PEX1: variants seen among roughly 807,000 people sequenced by gnomAD.
PEX1 encodes peroxisomal ATPase PEX1.
PEX1 carries 97 observed loss-of-function variants against 152.5 expected under a neutral mutation model. The observed-to-expected ratio is 0.64, with a 90% CI of 0.54 to 0.75. The LOEUF (loss-of-function observed/expected upper bound fraction) is 0.75, where lower values mean the gene tolerates loss of function less well. Among genes scored for constraint, PEX1 ranks in the 30% least tolerant of loss-of-function variants. PEX1 has a pLI of 0.00. For missense variants in PEX1, 1,357 were observed against 1,516.3 expected (o/e 0.89, Z 1.74); for synonymous variants, 485 against 531.6 (o/e 0.91, Z 1.21).
chr7:92,499,604 G>T, intron 16 of PEX1, 100 bp downstream of exon 16: 1 of 978,272 alleles, frequency 1.0e-6, no homozygotes, highest in Non-Finnish European at 1.6e-6. Context: ...GCATAGCATT[G>T]TGAATGCACT....
chr7:92,499,122 G>A (rs1791798461), intron 16 of PEX1, among the ~76,000 whole-genome samples: 1 of 152,226 alleles, frequency 6.6e-6, no homozygotes, highest in South Asian at 2.1e-4. Flanking sequence ...CACACTGCTA[G>A]TGGGAATGGT....
Position 92,493,136 on chromosome 7 carries a change from G to A in PEX1, c.3031-7C>T. 6.6e-7 allele frequency: 1 copy of A among 1,516,648 alleles called. No homozygotes were observed. The highest frequency in any genetic ancestry group is 9.1e-7 in the Non-Finnish European group (1 of 1,103,374). 93.9% of individuals were successfully genotyped at this position (1,516,648 alleles called of 1,614,324 possible). A position where few individuals can be genotyped will look rare whatever the true frequency, so the allele number is the denominator to read the frequency against. On this transcript the variant is annotated splice_region_variant and splice_polypyrimidine_tract_variant and intron_variant, in intron 19 of 23. Transcript: ENST00000248633. The stretch of plus-strand genomic sequence containing the variant: ...AAATTTCAAGACGTGACACCTGAAA[G>A]GAGAAAAATTTATTTAACAAATAAA...
intron 2 of PEX1, among the ~76,000 whole-genome samples, chr7:92,519,595 T>C (rs1194485267): frequency 2.0e-5 from 3 of 152,210 alleles, no homozygotes; most frequent in African/African-American, 7.2e-5. Flanking sequence ...GACTATATCA[T>C]CAAGTTATGG....
At position 92,516,430 on chromosome 7, in the gene PEX1, G is replaced by GA. The variant is rs376649281; in HGVS notation, c.1239+845dup. On this transcript the variant is annotated intron_variant, in intron 5 of 23. Transcript: ENST00000248633. ...AAGAAGAGTGAAACTCCATCTTGTG[G>GA]AAAAAAAAAATAGAAAAGAAAATGA... Among the ~76,000 whole-genome samples, 196 of 146,330 alleles carry GA rather than the reference G, an allele frequency of 1.3e-3. 1 individual carries two copies. The highest frequency in any genetic ancestry group is 2.1e-3 in the Non-Finnish European group (140 of 66,360).
intron 8 of PEX1, among the ~76,000 whole-genome samples, chr7:92,509,643 A>G (rs1267043012): frequency 1.3e-5 from 2 of 152,198 alleles, no homozygotes; most frequent in Non-Finnish European, 2.9e-5. Flanking sequence ...TTTTACAGGT[A>G]TATTTTTATC....
At chr7:92,528,139 T>G (rs1462540621) in intron 1 of PEX1, among the ~76,000 whole-genome samples, 168 bp downstream of exon 1, 3 of 152,214 alleles carry the variant, frequency 2.0e-5, no homozygotes, top group African/African-American at 7.2e-5. Context: ...TGCACTGGAC[T>G]TGTGGGATCC....
intron 5 of PEX1, among the ~76,000 whole-genome samples, chr7:92,515,335 C>T (rs979272611): frequency 4.0e-5 from 6 of 151,414 alleles, no homozygotes; most frequent in African/African-American, 1.5e-4. Flanking sequence ...TTTTTTTAAT[C>T]ACCATGCTTC....
At chr7:92,525,204 C>A (rs1425276803) in intron 1 of PEX1, among the ~76,000 whole-genome samples, 3 of 152,182 alleles carry the variant, frequency 2.0e-5, no homozygotes, top group African/African-American at 7.2e-5. Context: ...AAGAAAGAGA[C>A]AGCTAGAAAG....
At chr7:92,514,106 T>C (rs1260532974) in intron 5 of PEX1, 139 bp from the exon 6 acceptor site, 10 of 603,904 alleles carry the variant, frequency 1.7e-5, no homozygotes, top group Non-Finnish European at 2.8e-5. Flanking sequence ...CATAGTTGTC[T>C]CAGTCCATGC....
intron 13 of PEX1, among the ~76,000 whole-genome samples, chr7:92,502,730 T>A (rs1305094572): frequency 6.6e-6 from 1 of 152,204 alleles, no homozygotes; most frequent in Non-Finnish European, 1.5e-5. Context: ...AGTGCCATTA[T>A]GTGATGGTGG....
In PEX1 at chr7:92,489,704, A is replaced by G; in HGVS notation, c.3636+10T>C. 1 of 1,607,990 alleles carries G rather than the reference A, an allele frequency of 6.2e-7. No individual in the cohort carries two copies. The highest frequency in any genetic ancestry group is 1.1e-5 in the South Asian group (1 of 90,958). On this transcript the variant is annotated intron_variant, in intron 22 of 23. Transcript: ENST00000248633. ...TTTTAACAATTATAATGAGGGGGAA[A>G]AAGCCATACTCCACTTTGGCTCCGG... is the stretch of plus-strand genomic sequence containing the variant.
chr7:92,495,459 G>A (rs1356508752), intron 17 of PEX1, among the ~76,000 whole-genome samples: 1 of 152,136 alleles, frequency 6.6e-6, no homozygotes, highest in Non-Finnish European at 1.5e-5. Flanking sequence ...TTTGATTTGT[G>A]TAAAGACTTC....
chr7:92,492,894 G>T, intron 20 of PEX1, 59 bp downstream of exon 20: 2 of 1,311,394 alleles, frequency 1.5e-6, no homozygotes, highest in South Asian at 2.4e-5. Context: ...TGGAAATTTT[G>T]ACATTGTACT....
rs117678195 is a variant in PEX1, at chr7:92,506,798, G to A, written c.1803+196C>T. 7.6e-3 allele frequency: 4,645 copies of A among 607,690 alleles called. 49 individuals are homozygous for A. The highest frequency in any genetic ancestry group is 0.035 in the Middle Eastern group (81 of 2,312). The allele number at this position is 607,690 out of a possible 1,614,324, so 37.6% of individuals were successfully genotyped here. ...GGCATGGAGAACATCAGTCTTATTC[G>A]TCATCACTCCCCCAACACCTAAAAG... On this transcript the variant is annotated intron_variant, in intron 10 of 23. Transcript: ENST00000248633.
In PEX1 at chr7:92,494,214, A is replaced by C. The variant is rs1362370480; in HGVS notation, c.3030+79T>G. ...AGCTGGTCTTCTAAGGACAATTGCC[A>C]TTACCTGGCAGAAGTAAAGCTCACA... On this transcript the variant is annotated intron_variant, in intron 19 of 23. Transcript: ENST00000248633. The C allele has an allele frequency of 3.8e-6, 4 of 1,055,336 alleles. No homozygotes were observed. In the African/African-American group the frequency reaches 6.2e-5, roughly 16 times the overall value. The allele number at this position is 1,055,336 out of a possible 1,614,324, so 65.4% of individuals were successfully genotyped here.
chr7:92,511,575 C>T lies in PEX1; in HGVS notation c.1483+5G>A. The T allele has an allele frequency of 1.2e-6, 2 of 1,608,666 alleles. No homozygotes were observed. The highest frequency in any genetic ancestry group is 8.5e-7 in the Non-Finnish European group (1 of 1,176,312). On this transcript the variant is annotated splice_donor_5th_base_variant and intron_variant, in intron 7 of 23. Coordinates refer to ENST00000248633, the MANE Select transcript of PEX1 (RefSeq NM_000466.3). ...AAAAAAAGTCAAAATAACAAATGTA[C>T]TCACCATCTTTAGTTTCCAGCTTAA...
intron 17 of PEX1, 104 bp downstream of exon 17, chr7:92,496,609 A>T (rs1010542701): frequency 2.5e-6 from 2 of 796,458 alleles, no homozygotes; most frequent in Non-Finnish European, 4.6e-6. Flanking sequence ...CACATAAACC[A>T]CAGGTTTCAA....
At chr7:92,527,978 A>C (rs958575713) in intron 1 of PEX1, among the ~76,000 whole-genome samples, 1 of 152,252 alleles carries the variant, frequency 6.6e-6, no homozygotes, top group Non-Finnish European at 1.5e-5. Context: ...GGCAAGGAAA[A>C]CACCTTTTAA....
At chr7:92,505,815 G>A (rs1199148020) in intron 11 of PEX1, among the ~76,000 whole-genome samples, 1 of 152,174 alleles carries the variant, frequency 6.6e-6, no homozygotes, top group African/African-American at 2.4e-5. Flanking sequence ...TAATGTAAAT[G>A]TTAAGGACTT....
Sources: allele counts gnomAD v4.1 joint callset (sites outside exome capture counted in the v4.1 genomes callset), GRCh38; gene constraint gnomAD v4.1.1; transcripts MANE v1.5; gene names NCBI Gene and HGNC (gene_info 2026-07-23, HGNC 2026-07-21).